Variants in ASAP1 observed in about 807,000 individuals in gnomAD.
ASAP1 encodes the protein ArfGAP with SH3 domain, ankyrin repeat and PH domain 1.
A neutral mutation model predicts 145.2 loss-of-function variants in ASAP1; 43 were observed. The observed-to-expected ratio is 0.30, with a 90% CI of 0.23 to 0.38. ASAP1 has a LOEUF of 0.38. ASAP1 is among the 10% of genes least tolerant of loss of function. ASAP1 has a pLI of 1.00. For missense variants in ASAP1, 1,018 were observed against 1,355.3 expected (o/e 0.75, Z 3.91); for synonymous variants, 546 against 515.5 (o/e 1.06, Z -0.80).
At chr8:130,102,422 C>A (rs1488101799) in intron 24 of ASAP1, among the ~76,000 whole-genome samples, 6 of 152,186 alleles carry the variant, frequency 3.9e-5, no homozygotes, top group Non-Finnish European at 7.3e-5. Flanking sequence ...TATGTTGAAA[C>A]ATCCTTGCAT....
chr8:130,403,768 G>A (rs945265152), intron 1 of ASAP1, among the ~76,000 whole-genome samples: 1 of 151,934 alleles, frequency 6.6e-6, no homozygotes, highest in Non-Finnish European at 1.5e-5. Flanking sequence ...CGAGCAGGCT[G>A]GTCTCGAACT....
At chr8:130,252,347 T>C (rs990079326) in intron 3 of ASAP1, among the ~76,000 whole-genome samples, 2 of 152,216 alleles carry the variant, frequency 1.3e-5, no homozygotes, top group Admixed American at 6.5e-5. Context: ...TGCTATGTTG[T>C]AATTAAGAAA....
chr8:130,240,830 T>C (rs555129198), intron 3 of ASAP1, among the ~76,000 whole-genome samples: 4 of 152,140 alleles, frequency 2.6e-5, no homozygotes, highest in Non-Finnish European at 4.4e-5. Context: ...ATTTCACACA[T>C]AGTCCTAACA....
At chr8:130,267,127 AAAAAAACAAAAC>A (rs1161554842) in intron 3 of ASAP1, among the ~76,000 whole-genome samples, 27 of 151,068 alleles carry the variant, frequency 1.8e-4, no homozygotes, top group African/African-American at 5.3e-4. Context: ...AACAAACAAA[AAAAAAACAAAAC>A]AAAAAACAAA....
intron 1 of ASAP1, among the ~76,000 whole-genome samples, chr8:130,423,607 C>T (rs2138721704): frequency 6.6e-6 from 1 of 152,212 alleles, no homozygotes; most frequent in East Asian, 1.9e-4. Context: ...TCATGTAAAT[C>T]TATATTTATT....
At chr8:130,151,294 C>T (rs1432047024) in intron 13 of ASAP1, among the ~76,000 whole-genome samples, 1 of 135,676 alleles carries the variant, frequency 7.4e-6, no homozygotes, top group East Asian at 2.3e-4. Context: ...TCGCTTGAAC[C>T]TGGGAGATGG....
At chr8:130,165,039 A>G (rs997434582) in intron 11 of ASAP1, among the ~76,000 whole-genome samples, 4 of 152,258 alleles carry the variant, frequency 2.6e-5, no homozygotes, top group Non-Finnish European at 4.4e-5. Flanking sequence ...TGAAAGATCA[A>G]TGTATTACTT....
At chr8:130,433,807 C>T (rs1830216705) in intron 1 of ASAP1, among the ~76,000 whole-genome samples, 1 of 152,194 alleles carries the variant, frequency 6.6e-6, no homozygotes, top group South Asian at 2.1e-4. Context: ...TTATATATTG[C>T]TTTATTTGAC....
chr8:130,087,528 A>G (rs1411261651), intron 25 of ASAP1, among the ~76,000 whole-genome samples: 2 of 152,102 alleles, frequency 1.3e-5, no homozygotes, highest in African/African-American at 2.4e-5. Flanking sequence ...GAAATAAAAA[A>G]AAGAGAACTT....
At chr8:130,316,627 A>T (rs1823677825) in intron 3 of ASAP1, among the ~76,000 whole-genome samples, 1 of 152,216 alleles carries the variant, frequency 6.6e-6, no homozygotes, top group Non-Finnish European at 1.5e-5. Flanking sequence ...CCATCTCAGA[A>T]ATGACAGCTG....
chr8:130,312,915 G>A (rs1823446549), intron 3 of ASAP1, among the ~76,000 whole-genome samples: 1 of 152,132 alleles, frequency 6.6e-6, no homozygotes, highest in South Asian at 2.1e-4. Context: ...ATCAAATGAA[G>A]GCCAAAAGGT....
Position 130,169,065 on chromosome 8 carries a change from A to G in ASAP1, c.749T>C (p.Phe250Ser). Reference protein sequence around the residue: ...LIKYYHAQCNFFQDGLKTADK... With the variant: ...LIKYYHAQCNSFQDGLKTADK... ...AGCTGTTTTCAAGCCATCTTGAAAG[A>G]AACTACAATTAAAAAAATCAGAGAT... Residue 250 changes from phenylalanine to serine, a missense_variant and splice_region_variant, in exon 10 of 30, where the codon TTC (phenylalanine) becomes TCC (serine). By Grantham distance (155) the Phe-to-Ser change is radical. Coordinates refer to ENST00000518721, the MANE Select transcript of ASAP1 (RefSeq NM_018482.4). 1 of 1,557,520 alleles carries G rather than the reference A, an allele frequency of 6.4e-7. No individual in the cohort carries two copies.
chr8:130,156,395 A>G (rs1480884895), intron 12 of ASAP1, among the ~76,000 whole-genome samples: 2 of 152,200 alleles, frequency 1.3e-5, no homozygotes, highest in African/African-American at 4.8e-5. Flanking sequence ...TTCCAACTCT[A>G]TGATCCAACA....
chr8:130,202,576 T>C (rs1420561841), intron 5 of ASAP1, among the ~76,000 whole-genome samples: 2 of 152,318 alleles, frequency 1.3e-5, no homozygotes, highest in East Asian at 3.9e-4. Flanking sequence ...TAATATTATT[T>C]AATGTTTCTA....
At chr8:130,176,183 CT>C (rs1191023622) in intron 9 of ASAP1, among the ~76,000 whole-genome samples, 17 of 152,200 alleles carry the variant, frequency 1.1e-4, no homozygotes, top group African/African-American at 4.1e-4. Flanking sequence ...GTGACTATTA[CT>C]ACCTAGGCAA....
intron 9 of ASAP1, among the ~76,000 whole-genome samples, chr8:130,173,625 G>A (rs1368397926): frequency 2.6e-5 from 4 of 151,670 alleles, no homozygotes; most frequent in Non-Finnish European, 5.9e-5. Context: ...AACATTAGCC[G>A]GGCGTGGTGG....
chr8:130,055,434 T>TG (rs2097401778), intron 29 of ASAP1, among the ~76,000 whole-genome samples: 1 of 152,004 alleles, frequency 6.6e-6, no homozygotes, highest in African/African-American at 2.4e-5. Flanking sequence ...CATTAAGCTG[T>TG]GTCAGCTGCC....
At chr8:130,124,907 A>G (rs1190257920) in intron 17 of ASAP1, among the ~76,000 whole-genome samples, 3 of 152,188 alleles carry the variant, frequency 2.0e-5, no homozygotes, top group Non-Finnish European at 4.4e-5. Flanking sequence ...TCTTTTCTCT[A>G]CAATCCTGAA....
intron 24 of ASAP1, among the ~76,000 whole-genome samples, chr8:130,101,750 T>TTTTTTTTC (rs1377342216): frequency 7.0e-6 from 1 of 143,110 alleles, no homozygotes. Flanking sequence ...TTTTTTTTTT[T>TTTTTTTTC]TTGCAGAGAT....
Sources: gnomAD v4.1 joint callset for allele counts (sites outside exome capture counted in the v4.1 genomes callset) on GRCh38, gnomAD v4.1.1 for gene constraint, MANE v1.5 for transcripts, NCBI Gene and HGNC (gene_info 2026-07-23, HGNC 2026-07-21) for gene names.